RABL2B: variants seen among roughly 807,000 people sequenced by gnomAD.
RABL2B encodes RAB, member of RAS oncogene family like 2B.
In RABL2B, 17 loss-of-function variants were observed where a neutral mutation model predicts 26.7. That is an observed-to-expected ratio of 0.64 (90% CI 0.44 to 0.95). The LOEUF (loss-of-function observed/expected upper bound fraction) is 0.95, where lower values mean the gene tolerates loss of function less well. Ranked by LOEUF, RABL2B falls within the 40% of genes least tolerant of loss-of-function variation. The pLI is 0.00. For missense variants in RABL2B, 170 were observed against 277.2 expected, an observed-to-expected ratio of 0.61 and a Z score of 2.75; for synonymous variants, 70 against 103.9, an observed-to-expected ratio of 0.67 and a Z score of 1.99.
chr22:50,781,325 CAG>C (rs2085819563), intron 2 of RABL2B, among the ~76,000 whole-genome samples: 2 of 128,384 alleles, frequency 1.6e-5, no homozygotes, highest in Non-Finnish European at 3.1e-5. Context: ...GCCTGGGGGA[CAG>C]AGCGAGACTC....
Position 50,773,216 on chromosome 22 carries a change from C to A in RABL2B, c.297+2556G>T, listed in dbSNP as rs571564611. 50 of 1,276,826 alleles carry A rather than the reference C, an allele frequency of 3.9e-5. No homozygotes were observed. In the East Asian group the frequency reaches 2.6e-3, roughly 66 times the overall value. 79.1% of individuals were successfully genotyped at this position (1,276,826 alleles called of 1,614,324 possible). ...TCTGCTCTTGAGGGTCAGACTTCTG[C>A]ACTACACTGCCCCCATTTTCCTTGC... On this transcript the variant is annotated intron_variant, in intron 5 of 8. Coordinates refer to ENST00000691320, the MANE Select transcript of RABL2B (RefSeq NM_001130919.3).
At chr22:50,779,452 C>T in intron 2 of RABL2B, among the ~76,000 whole-genome samples, 1 of 151,788 alleles carries the variant, frequency 6.6e-6, no homozygotes. Flanking sequence ...GAGCTTGGGA[C>T]CCAGGGAGTC....
At chr22:50,782,045 G>C in intron 2 of RABL2B, 143 bp downstream of exon 2, 1 of 1,531,706 alleles carries the variant, frequency 6.5e-7, no homozygotes. Flanking sequence ...GATTCCCCTC[G>C]TTCCCCCATG....
Position 50,768,338 on chromosome 22 carries a change from C to T in RABL2B, c.*438G>A. 4.1e-6 allele frequency: 1 copy of T among 242,172 alleles called. No homozygotes were observed. Among genetic ancestry groups the T allele is most frequent in the Non-Finnish European group, 8.0e-6 (1 of 124,434 alleles). The allele number at this position is 242,172 out of a possible 1,614,324, so 15.0% of individuals were successfully genotyped here. On this transcript the variant is annotated 3_prime_UTR_variant, in exon 9 of 9. Coordinates refer to ENST00000691320, the MANE Select transcript of RABL2B (RefSeq NM_001130919.3). ...AAAGGATGGGGCCTCACAGACTCAGCTGTGGGTGGGGGGGTAAATCATTAC... is the reference window on the plus strand; with the variant it reads ...AAAGGATGGGGCCTCACAGACTCAGTTGTGGGTGGGGGGGTAAATCATTAC...
intron 5 of RABL2B, among the ~76,000 whole-genome samples, chr22:50,774,421 C>T (rs1217960877): frequency 1.3e-5 from 2 of 150,734 alleles, no homozygotes; most frequent in African/African-American, 4.9e-5. Context: ...GGCTGATACT[C>T]TGTGAGCAAA....
intron 2 of RABL2B, among the ~76,000 whole-genome samples, chr22:50,779,113 T>C (rs1376653048): frequency 1.3e-5 from 2 of 150,458 alleles, no homozygotes; most frequent in East Asian, 4.0e-4. Context: ...GAGAGATCCA[T>C]AAACTTGCCT....
chr22:50,777,835 C>T, intron 3 of RABL2B, 117 bp downstream of exon 3: 1 of 1,532,924 alleles, frequency 6.5e-7, no homozygotes, highest in Non-Finnish European at 9.0e-7. Flanking sequence ...CCTGTGCGTT[C>T]ACTTACCCAA....
chr22:50,769,415 G>C, intron 7 of RABL2B, 40 bp downstream of exon 7: 1 of 1,609,736 alleles, frequency 6.2e-7, no homozygotes, highest in Non-Finnish European at 8.5e-7. Context: ...TTACCACCTA[G>C]CGCCCTGACC....
intron 2 of RABL2B, among the ~76,000 whole-genome samples, chr22:50,779,151 A>G (rs1555926609): frequency 1.3e-5 from 2 of 151,176 alleles, no homozygotes; most frequent in Non-Finnish European, 2.9e-5. Context: ...TGGAAGAATA[A>G]AAACACAGGC....
intron 2 of RABL2B, 139 bp from the exon 3 acceptor site, chr22:50,778,120 G>C: frequency 1.6e-6 from 2 of 1,224,446 alleles, no homozygotes; most frequent in Non-Finnish European, 2.4e-6. Flanking sequence ...CACAGCTTCC[G>C]GGTCAAGTCT....
In RABL2B at chr22:50,767,722, A is replaced by G. The variant is rs1555914571; in HGVS notation, c.*1054T>C. 1 of 454,954 alleles carries G rather than the reference A, an allele frequency of 2.2e-6. No individual in the cohort carries two copies. The highest frequency in any genetic ancestry group is 4.4e-6 in the Non-Finnish European group (1 of 226,346). The allele number at this position is 454,954 out of a possible 1,614,324, so 28.2% of individuals were successfully genotyped here. ...TCCAAACTATTCCTCAAAAAAAAGG[A>G]CAGCCTCTTTATGCTGAAATAGGAA... On this transcript the variant is annotated 3_prime_UTR_variant, in exon 9 of 9. Coordinates refer to ENST00000691320, the MANE Select transcript of RABL2B (RefSeq NM_001130919.3).
intron 2 of RABL2B, among the ~76,000 whole-genome samples, chr22:50,780,397 C>CT (rs149044797): frequency 0.23 from 27,928 of 122,198 alleles, 3,736 homozygotes; most frequent in Non-Finnish European, 0.29. Flanking sequence ...CAAGTGTTAA[C>CT]TTTTTTTTTT....
chr22:50,769,698 G>T (rs553606354), intron 6 of RABL2B, 146 bp from the exon 7 acceptor site: 71 of 1,376,024 alleles, frequency 5.2e-5, no homozygotes, highest in Non-Finnish European at 6.7e-5. Flanking sequence ...TCAGTTAATA[G>T]GGATCTGTGT....
intron 5 of RABL2B, 43 bp from the exon 6 acceptor site, chr22:50,770,059 G>A (rs782801266): frequency 3.1e-6 from 5 of 1,612,556 alleles, no homozygotes; most frequent in Non-Finnish European, 4.2e-6. Context: ...GTATGTCAAT[G>A]TTTCTGCACC....
At chr22:50,776,811 G>A (rs1191837053) in intron 3 of RABL2B, 62 bp from the exon 4 acceptor site, 1 of 1,551,112 alleles carries the variant, frequency 6.4e-7, no homozygotes, top group East Asian at 2.4e-5. Flanking sequence ...TGGGGAGCAG[G>A]GGTGTTTGGT....
chr22:50,767,685 G>T lies in RABL2B; in HGVS notation c.*1091C>A, dbSNP rs554137189. ...CTCTTGCAGTCCTCAGCCTCCCACA[G>T]GAGGCACAAGGTCCAAACTATTCCT... On this transcript the variant is annotated 3_prime_UTR_variant, in exon 9 of 9. Transcript: ENST00000691320. The T allele has an allele frequency of 1.6e-4, 72 of 448,148 alleles. No individual in the cohort carries two copies. The highest frequency in any genetic ancestry group is 3.0e-4 in the Non-Finnish European group (68 of 223,414). The allele number at this position is 448,148 out of a possible 1,614,324, so 27.8% of individuals were successfully genotyped here. A position where few individuals can be genotyped will look rare whatever the true frequency, so the allele number is the denominator to read the frequency against.
chr22:50,769,713 GAA>G, intron 6 of RABL2B, 161 bp from the exon 7 acceptor site: 2 of 1,243,010 alleles, frequency 1.6e-6, no homozygotes, highest in Non-Finnish European at 2.2e-6. Flanking sequence ...CTGTGTCTTG[GAA>G]AGAGGGCAGG....
At chr22:50,783,408 G>A (rs2086199469) in intron 1 of RABL2B, 93 bp downstream of exon 1, 1 of 152,266 alleles carries the variant, frequency 6.6e-6, no homozygotes, top group Non-Finnish European at 1.5e-5. Flanking sequence ...TGCTTCCCCC[G>A]ACCCGGACGC....
chr22:50,770,058 T>C (rs782162841), intron 5 of RABL2B, 42 bp from the exon 6 acceptor site: 3 of 1,612,710 alleles, frequency 1.9e-6, no homozygotes, highest in African/African-American at 1.3e-5. Flanking sequence ...GGTATGTCAA[T>C]GTTTCTGCAC....
Sources: allele counts gnomAD v4.1 joint callset (sites outside exome capture counted in the v4.1 genomes callset), GRCh38; gene constraint gnomAD v4.1.1; transcripts MANE v1.5; gene names NCBI Gene and HGNC (gene_info 2026-07-23, HGNC 2026-07-21).